Variants in WSCD2 observed in about 807,000 individuals in gnomAD.
The protein encoded by WSCD2 is WSC domain sialate O sulfotransferase 2, also known as sialate:O-sulfotransferase 2.
WSCD2 carries 28 observed loss-of-function variants against 55.7 expected under a neutral mutation model. The ratio of observed to expected loss-of-function variants is 0.50; its 90% CI spans 0.37 to 0.69. The LOEUF (loss-of-function observed/expected upper bound fraction) is 0.69. Ranked by LOEUF, WSCD2 falls within the 30% of genes least tolerant of loss-of-function variation. WSCD2 has a pLI of 0.00. For synonymous variants in WSCD2, 301 were observed against 301.9 expected (o/e 1.00, Z 0.03); for missense variants, 616 against 762.1 (o/e 0.81, Z 2.26).
chr12:108,225,189 G>A (rs1304779395), intron 5 of WSCD2, among the ~76,000 whole-genome samples: 1 of 152,150 alleles, frequency 6.6e-6, no homozygotes, highest in East Asian at 1.9e-4. Flanking sequence ...AGATTTAATG[G>A]ACTCACAGTT....
rs1248750427 is a variant in WSCD2 at position 108,153,130 on chromosome 12, A to AAACAAACAAACAAAC, written c.-552+23205_-552+23206insACAAACAAACAAACA. Among the ~76,000 whole-genome samples the AAACAAACAAACAAAC allele has an allele frequency of 2.2e-4, 15 of 69,294 alleles. No homozygotes were observed. The South Asian group carries it at 2.7e-3, about 12-fold the overall frequency. 45.5% of individuals were successfully genotyped at this position (69,294 alleles called of 152,430 possible). A position where few individuals can be genotyped will look rare whatever the true frequency, so the allele number is the denominator to read the frequency against. On this transcript the variant is annotated intron_variant, in intron 1 of 8. Coordinates refer to ENST00000547525, the MANE Select transcript of WSCD2 (RefSeq NM_014653.4). Reference sequence around the variant, plus strand: ...ACAAACAAACAAACAAACAAACAAAAACTGACTTAGCACGAGTACTTACAT... The same window carrying AAACAAACAAACAAAC: ...ACAAACAAACAAACAAACAAACAAAAAACAAACAAACAAACACTGACTTAGCACGAGTACTTACAT...
chr12:108,227,746 T>TGATGAC (rs1888280802), intron 6 of WSCD2, among the ~76,000 whole-genome samples: 1 of 151,636 alleles, frequency 6.6e-6, no homozygotes, highest in Non-Finnish European at 1.5e-5. Context: ...ATGATGATGA[T>TGATGAC]GATGATGGTG....
intron 6 of WSCD2, among the ~76,000 whole-genome samples, chr12:108,227,727 G>GTGA (rs112313899): frequency 0.45 from 66,927 of 150,314 alleles, 16,004 homozygotes; most frequent in East Asian, 0.6. Context: ...GATAATGATG[G>GTGA]TGATGATGAT....
chr12:108,246,417 A>G (rs1028632780), intron 8 of WSCD2, among the ~76,000 whole-genome samples: 1 of 152,186 alleles, frequency 6.6e-6, no homozygotes, highest in African/African-American at 2.4e-5. Flanking sequence ...GAGAAGCAGC[A>G]GGTCTCAGTT....
At position 108,186,598 on chromosome 12, in the gene WSCD2, G is replaced by A. The variant is rs58210521; in HGVS notation, c.-551-8684G>A. On this transcript the variant is annotated intron_variant, in intron 1 of 8. Coordinates refer to ENST00000547525, the MANE Select transcript of WSCD2 (RefSeq NM_014653.4). The stretch of plus-strand genomic sequence containing the variant: ...TCCAGAATATCATATCATTGGAATC[G>A]TACAGTGTGTAGCTTTTTCAGATTG... Among the ~76,000 whole-genome samples, 464 of 152,256 alleles carry A rather than the reference G, an allele frequency of 3.0e-3. 6 individuals carry two copies. Among genetic ancestry groups the A allele is most frequent in the African/African-American group, 0.011 (448 of 41,534 alleles).
rs547819266 is a variant in WSCD2, at chr12:108,189,032, T to C, written c.-551-6250T>C. 5.9e-5 allele frequency among the ~76,000 whole-genome samples: 9 copies of C among 152,364 alleles called. No individual in the cohort carries two copies. The East Asian group carries it at 1.7e-3, about 29-fold the overall frequency. ...TAAAGATTTACATACAGGATGTTTA[T>C]CATAGCGTTACTTATTTATAAAAGA... On this transcript the variant is annotated intron_variant, in intron 1 of 8. Coordinates refer to ENST00000547525, the MANE Select transcript of WSCD2 (RefSeq NM_014653.4).
chr12:108,202,358 C>T (rs1002168269), intron 2 of WSCD2, among the ~76,000 whole-genome samples: 2 of 152,126 alleles, frequency 1.3e-5, no homozygotes, highest in African/African-American at 4.8e-5. Context: ...TAATAAAGGA[C>T]CATGTATCTT....
intron 5 of WSCD2, 102 bp from the exon 6 acceptor site, chr12:108,226,888 G>T: frequency 7.3e-7 from 1 of 1,361,492 alleles, no homozygotes; most frequent in Non-Finnish European, 9.9e-7. Context: ...GACTGACAGA[G>T]AAGACAGTGG....
intron 1 of WSCD2, among the ~76,000 whole-genome samples, chr12:108,175,658 G>A (rs1880738271): frequency 6.6e-6 from 1 of 152,160 alleles, no homozygotes; most frequent in Non-Finnish European, 1.5e-5. Context: ...GGGAACCCAG[G>A]TGTTCCTGGG....
chr12:108,198,233 C>T (rs536076829), intron 2 of WSCD2, among the ~76,000 whole-genome samples: 23 of 152,098 alleles, frequency 1.5e-4, no homozygotes, highest in African/African-American at 5.3e-4. Flanking sequence ...TATCAGCACC[C>T]GGGACAGCAC....
chr12:108,237,107 A>C (rs1889332820), intron 7 of WSCD2, among the ~76,000 whole-genome samples: 1 of 152,206 alleles, frequency 6.6e-6, no homozygotes, highest in East Asian at 1.9e-4. Context: ...GAGAACCACC[A>C]GCCTTCAGGG....
chr12:108,244,613 T>A, intron 8 of WSCD2: 1 of 702,098 alleles, frequency 1.4e-6, no homozygotes, highest in Non-Finnish European at 2.6e-6. Flanking sequence ...ACTTTGCAGA[T>A]GGGTGCACTG....
chr12:108,208,134 G>A (rs1885655576), intron 3 of WSCD2, among the ~76,000 whole-genome samples: 1 of 152,178 alleles, frequency 6.6e-6, no homozygotes, highest in African/African-American at 2.4e-5. Context: ...CTGATTCCAG[G>A]TGCTGGAGAT....
chr12:108,168,732 G>A (rs1255438942), intron 1 of WSCD2, among the ~76,000 whole-genome samples: 1 of 152,206 alleles, frequency 6.6e-6, no homozygotes, highest in East Asian at 1.9e-4. Context: ...TGAAATCCAA[G>A]TGGAAAAACA....
At chr12:108,229,120 G>A (rs574827921) in intron 6 of WSCD2, among the ~76,000 whole-genome samples, 2 of 152,220 alleles carry the variant, frequency 1.3e-5, no homozygotes, top group East Asian at 3.9e-4. Flanking sequence ...CGTCACTCTT[G>A]CAGTTTCTAC....
chr12:108,141,396 C>T (rs1316897123), intron 1 of WSCD2, among the ~76,000 whole-genome samples: 3 of 152,164 alleles, frequency 2.0e-5, no homozygotes, highest in Admixed American at 6.5e-5. Flanking sequence ...CCACCATCCC[C>T]GGTTCTAAAC....
At chr12:108,213,808 C>T (rs911903738) in intron 4 of WSCD2, among the ~76,000 whole-genome samples, 10 of 152,180 alleles carry the variant, frequency 6.6e-5, no homozygotes, top group African/African-American at 2.4e-4. Context: ...AGTTAGTATA[C>T]CCACTTGCTA....
chr12:108,158,814 T>C (rs1407248749), intron 1 of WSCD2, among the ~76,000 whole-genome samples: 1 of 152,160 alleles, frequency 6.6e-6, no homozygotes, highest in Non-Finnish European at 1.5e-5. Flanking sequence ...AAGTATTACC[T>C]GAGCACCTCC....
intron 1 of WSCD2, among the ~76,000 whole-genome samples, chr12:108,162,051 G>T (rs929680557): frequency 6.6e-6 from 1 of 152,130 alleles, no homozygotes; most frequent in Non-Finnish European, 1.5e-5. Context: ...GGAAGAAGTC[G>T]CTTGCCCAAC....
Sources: allele counts gnomAD v4.1 joint callset (sites outside exome capture counted in the v4.1 genomes callset), GRCh38; gene constraint gnomAD v4.1.1; transcripts MANE v1.5; gene names NCBI Gene and HGNC (gene_info 2026-07-23, HGNC 2026-07-21).